The following ATP2A2 variants were observed in gnomAD, a reference collection of about 807,000 sequenced individuals.
ATP2A2 encodes the protein sarcoplasmic/endoplasmic reticulum calcium ATPase 2.
In ATP2A2, 14 loss-of-function variants were observed where a neutral mutation model predicts 109.3. The ratio of observed to expected loss-of-function variants is 0.13; its 90% CI spans 0.08 to 0.20. The LOEUF (loss-of-function observed/expected upper bound fraction) is 0.20. ATP2A2 is among the 10% of genes least tolerant of loss of function. The probability of loss-of-function intolerance (pLI) is 1.00; values close to 1 mark genes in which losing one functional copy is unlikely to be tolerated. For synonymous variants in ATP2A2, 506 were observed against 490.9 expected (o/e 1.03, Z -0.41); for missense variants, 657 against 1,321.6 (o/e 0.50, Z 7.80).
At chr12:110,297,291 C>T (rs1463210730) in intron 5 of ATP2A2, among the ~76,000 whole-genome samples, 4 of 151,848 alleles carry the variant, frequency 2.6e-5, no homozygotes, top group African/African-American at 7.3e-5. Context: ...AAAAATTAGC[C>T]GGGCATGATG....
rs1189069635 is a variant in ATP2A2, at chr12:110,347,894, A to G, written c.*1424A>G. ...AACTTATAAGCCGCCTCCATGGCAG[A>G]TGCTGCTGTGCTCCCTGATGCCCTG... is the stretch of plus-strand genomic sequence containing the variant. On this transcript the variant is annotated 3_prime_UTR_variant, in exon 20 of 20. Transcript: ENST00000539276. 6.0e-6 allele frequency: 6 copies of G among 997,140 alleles called. No individual in the cohort carries two copies. The African/African-American group carries it at 1.0e-4, about 17-fold the overall frequency. 61.8% of individuals were successfully genotyped at this position (997,140 alleles called of 1,614,324 possible). A position where few individuals can be genotyped will look rare whatever the true frequency, so the allele number is the denominator to read the frequency against.
intron 5 of ATP2A2, among the ~76,000 whole-genome samples, chr12:110,311,629 G>A (rs1447117796): frequency 7.0e-6 from 1 of 143,694 alleles, no homozygotes; most frequent in Admixed American, 7.2e-5. Flanking sequence ...AAAACGCTGG[G>A]ATTATAAGTG....
intron 9 of ATP2A2, among the ~76,000 whole-genome samples, 169 bp from the exon 10 acceptor site, chr12:110,333,012 T>C (rs539322875): frequency 2.7e-4 from 41 of 152,318 alleles, no homozygotes; most frequent in Non-Finnish European, 5.3e-4. Context: ...CATTCTCTCT[T>C]TTGTTTTTGT....
At chr12:110,334,879 C>T (rs1231749065) in intron 11 of ATP2A2, among the ~76,000 whole-genome samples, 10 of 152,184 alleles carry the variant, frequency 6.6e-5, no homozygotes, top group African/African-American at 1.4e-4. Context: ...TGAGCCACCG[C>T]GCCTGGGCAT....
intron 5 of ATP2A2, among the ~76,000 whole-genome samples, chr12:110,318,570 C>G (rs1277981664): frequency 6.6e-6 from 1 of 152,184 alleles, no homozygotes; most frequent in African/African-American, 2.4e-5. Flanking sequence ...GCCTCCAAGG[C>G]TCAAGCGATA....
At position 110,347,684 on chromosome 12, in the gene ATP2A2, A is replaced by C. The variant is rs1455184163; in HGVS notation, c.*1214A>C. The C allele has an allele frequency of 8.5e-7, 1 of 1,173,186 alleles. No individual in the cohort carries two copies. 72.7% of individuals were successfully genotyped at this position (1,173,186 alleles called of 1,614,324 possible). ...ACTAACCACCACCACCGTTACTACG[A>C]TCAATGTTTGCGCATGTTCGAGATG... On this transcript the variant is annotated 3_prime_UTR_variant, in exon 20 of 20. Transcript: ENST00000539276.
At chr12:110,288,719 C>A (rs1163600736) in intron 3 of ATP2A2, among the ~76,000 whole-genome samples, 2 of 152,140 alleles carry the variant, frequency 1.3e-5, no homozygotes, top group African/African-American at 2.4e-5. Flanking sequence ...ACAGATAATT[C>A]TTTATATTCA....
At chr12:110,325,707 C>T (rs181956213) in intron 6 of ATP2A2, 1 of 153,358 alleles carries the variant, frequency 6.5e-6, no homozygotes, top group East Asian at 1.9e-4. Context: ...AGAGCATAGC[C>T]AGATGTGGCC....
intron 5 of ATP2A2, among the ~76,000 whole-genome samples, chr12:110,297,798 T>C (rs1874129021): frequency 6.6e-6 from 1 of 151,998 alleles, no homozygotes; most frequent in Non-Finnish European, 1.5e-5. Flanking sequence ...TTATATTTTT[T>C]GTAGAGAGGG....
chr12:110,295,478 C>T (rs960039178), intron 4 of ATP2A2, among the ~76,000 whole-genome samples: 1 of 152,156 alleles, frequency 6.6e-6, no homozygotes, highest in Non-Finnish European at 1.5e-5. Context: ...AATTTAAGCA[C>T]ATGCAAAATA....
intron 18 of ATP2A2, 134 bp downstream of exon 18, chr12:110,345,516 C>T (rs1193331802): frequency 2.2e-6 from 3 of 1,370,268 alleles, no homozygotes; most frequent in Middle Eastern, 2.4e-4. Context: ...ACAGGCAATA[C>T]CAGTTTTAAA....
intron 11 of ATP2A2, chr12:110,334,412 T>C (rs1878633800): frequency 1.9e-5 from 9 of 477,224 alleles, no homozygotes; most frequent in South Asian, 1.3e-4. Context: ...AACAGTGTTC[T>C]TGCTCCTAGC....
rs772774581 is a variant in ATP2A2 at position 110,350,273 on chromosome 12, C to T, written c.*3803C>T. ...CTCTGTATTTCATGAAGCTGATTTCCTCTCTCTTTCCTTTTCAGCAATACT... is the reference window on the plus strand; with the variant it reads ...CTCTGTATTTCATGAAGCTGATTTCTTCTCTCTTTCCTTTTCAGCAATACT... On this transcript the variant is annotated 3_prime_UTR_variant, in exon 20 of 20. Coordinates refer to ENST00000539276, the MANE Select transcript of ATP2A2 (RefSeq NM_170665.4). 1.2e-6 allele frequency: 2 copies of T among 1,613,872 alleles called. No individual in the cohort carries two copies. Among genetic ancestry groups the T allele is most frequent in the Admixed American group, 1.7e-5 (1 of 59,980 alleles).
intron 5 of ATP2A2, among the ~76,000 whole-genome samples, chr12:110,299,568 A>T (rs1874325967): frequency 6.6e-6 from 1 of 152,142 alleles, no homozygotes; most frequent in African/African-American, 2.4e-5. Flanking sequence ...CAGAGTTCTG[A>T]TCGTGAGTAG....
At chr12:110,303,223 AATT>A (rs994144266) in intron 5 of ATP2A2, among the ~76,000 whole-genome samples, 2 of 152,138 alleles carry the variant, frequency 1.3e-5, no homozygotes, top group South Asian at 2.1e-4. Flanking sequence ...TGTTCAATAC[AATT>A]ATTATTATAA....
In ATP2A2 at chr12:110,349,844, C is replaced by A; in HGVS notation, c.*3374C>A. On this transcript the variant is annotated 3_prime_UTR_variant, in exon 20 of 20. Coordinates refer to ENST00000539276, the MANE Select transcript of ATP2A2 (RefSeq NM_170665.4). ...GAGGAGAATGATGCGGAGGAGTTTC[C>A]TCTCCAGGGCTAGGCAAGGCAGGCG... 2.9e-6 allele frequency: 3 copies of A among 1,041,626 alleles called. No individual in the cohort carries two copies. The highest frequency in any genetic ancestry group is 3.5e-6 in the Non-Finnish European group (3 of 863,754). 64.5% of individuals were successfully genotyped at this position (1,041,626 alleles called of 1,614,324 possible). A position where few individuals can be genotyped will look rare whatever the true frequency, so the allele number is the denominator to read the frequency against.
chr12:110,294,919 A>T (rs562016755), intron 4 of ATP2A2, among the ~76,000 whole-genome samples: 2 of 151,956 alleles, frequency 1.3e-5, no homozygotes, highest in Non-Finnish European at 2.9e-5. Context: ...TCCCGGACTC[A>T]AGAGATTCTC....
In ATP2A2 at chr12:110,307,905, A is replaced by C. The variant is rs186938935; in HGVS notation, c.463+11168A>C. ...GCATTTGCTTTTGAGGCTTAGTCAT[A>C]AATTCTTTGCTTAGGGCAGTGTTGA... On this transcript the variant is annotated intron_variant, in intron 5 of 19. Coordinates refer to ENST00000539276, the MANE Select transcript of ATP2A2 (RefSeq NM_170665.4). Among the ~76,000 whole-genome samples, 80 of 152,304 alleles carry C rather than the reference A, an allele frequency of 5.3e-4. 1 individual carries two copies. Among genetic ancestry groups the C allele is most frequent in the Non-Finnish European group, 9.1e-4 (62 of 68,016 alleles).
chr12:110,327,337 A>G lies in ATP2A2; in HGVS notation c.631-216A>G, dbSNP rs1423060375. Among the ~76,000 whole-genome samples, 1 of 152,178 alleles carries G rather than the reference A, an allele frequency of 6.6e-6. No individual in the cohort carries two copies. The highest frequency in any genetic ancestry group is 2.4e-5 in the African/African-American group (1 of 41,446). On this transcript the variant is annotated intron_variant, in intron 7 of 19. Transcript: ENST00000539276. The surrounding 1 kb of genome is among the most constrained non-coding windows in gnomAD (Gnocchi z 4.4). ...GTCTGCAAGCCGGGCTCAAATAGAA[A>G]TCTAGGTGGGTCAGTACAGAGCTGC...
Sources: gnomAD v4.1 joint callset for allele counts (sites outside exome capture counted in the v4.1 genomes callset) on GRCh38, gnomAD v4.1.1 for gene constraint, Gnocchi (gnomAD v3.1) non-coding constraint, MANE v1.5 for transcripts, NCBI Gene and HGNC (gene_info 2026-07-23, HGNC 2026-07-21) for gene names.